LRMDA: variants seen among roughly 807,000 people sequenced by gnomAD.
LRMDA encodes leucine rich melanocyte differentiation associated, also known as leucine-rich melanocyte differentiation-associated protein.
A neutral mutation model predicts 29.8 loss-of-function variants in LRMDA; 18 were observed. The ratio of observed to expected loss-of-function variants is 0.60; its 90% CI spans 0.42 to 0.90. The LOEUF is 0.90. Ranked by LOEUF, LRMDA falls within the 40% of genes least tolerant of loss-of-function variation. The pLI is 0.00. For synonymous variants in LRMDA, 125 were observed against 109.4 expected (o/e 1.14, Z -0.89); for missense variants, 273 against 273.9 (o/e 1.00, Z 0.02).
At chr10:76,223,144 T>A (rs1206086480) in intron 5 of LRMDA, among the ~76,000 whole-genome samples, 1 of 151,784 alleles carries the variant, frequency 6.6e-6, no homozygotes, top group Non-Finnish European at 1.5e-5. Flanking sequence ...GAGGGATAGC[T>A]TTAGGAGATA....
chr10:76,192,194 A>G (rs1472933373), intron 5 of LRMDA, among the ~76,000 whole-genome samples: 1 of 152,172 alleles, frequency 6.6e-6, no homozygotes, highest in Non-Finnish European at 1.5e-5. Flanking sequence ...CTCTTTTAGA[A>G]TATTCTAGAG....
intron 2 of LRMDA, among the ~76,000 whole-genome samples, chr10:75,652,038 C>T (rs766898132): frequency 1.3e-5 from 2 of 152,208 alleles, no homozygotes; most frequent in Non-Finnish European, 2.9e-5. Context: ...CATTGCTTCA[C>T]CATTTGGCTT....
At chr10:76,476,627 T>G (rs550131971) in intron 6 of LRMDA, among the ~76,000 whole-genome samples, 6 of 152,236 alleles carry the variant, frequency 3.9e-5, no homozygotes, top group East Asian at 1.9e-4. Flanking sequence ...ATATCCCTGA[T>G]AAGCATCGAT....
At chr10:76,037,494 T>C (rs1848270119) in intron 3 of LRMDA, among the ~76,000 whole-genome samples, 1 of 152,244 alleles carries the variant, frequency 6.6e-6, no homozygotes, top group South Asian at 2.1e-4. Context: ...TAAGTTAATG[T>C]TTTCTTTATT....
chr10:76,254,300 T>TACCATACCATACCATACC (rs1852541192), intron 5 of LRMDA, among the ~76,000 whole-genome samples: 1 of 90,540 alleles, frequency 1.1e-5, no homozygotes, highest in South Asian at 4.2e-4. Context: ...TATACTATAC[T>TACCATACCATACCATACC]ATACCATACC....
chr10:76,492,139 T>C (rs1842839591), intron 6 of LRMDA, among the ~76,000 whole-genome samples: 1 of 152,126 alleles, frequency 6.6e-6, no homozygotes, highest in African/African-American at 2.4e-5. Context: ...GAAACAGCTA[T>C]TTTGAATTCT....
At position 75,473,819 on chromosome 10, in the gene LRMDA, C is replaced by T. The variant is rs376901600; in HGVS notation, c.131+35325C>T. 8.5e-5 allele frequency among the ~76,000 whole-genome samples: 13 copies of T among 152,324 alleles called. No individual in the cohort carries two copies. In the East Asian group the frequency reaches 1.3e-3, roughly 16 times the overall value. ...GTCATCATGATCATGGTCATCATCT[C>T]ACCAGGGACCAAGGTGACTTTGCCC... is the stretch of plus-strand genomic sequence containing the variant. On this transcript the variant is annotated intron_variant, in intron 2 of 6. Coordinates refer to ENST00000611255, the MANE Select transcript of LRMDA (RefSeq NM_001305581.2).
At chr10:76,044,643 C>T (rs939897324) in intron 3 of LRMDA, among the ~76,000 whole-genome samples, 4 of 152,190 alleles carry the variant, frequency 2.6e-5, no homozygotes, top group East Asian at 3.9e-4. Context: ...TGGCCACCCA[C>T]CCCTCTGTAC....
At chr10:75,897,316 A>G (rs1845600066) in intron 2 of LRMDA, among the ~76,000 whole-genome samples, 1 of 152,214 alleles carries the variant, frequency 6.6e-6, no homozygotes, top group Non-Finnish European at 1.5e-5. Context: ...TTAGGCCCTT[A>G]ACATTACAGG....
At chr10:75,597,345 T>C (rs7911525) in intron 2 of LRMDA, among the ~76,000 whole-genome samples, 114,539 of 152,046 alleles carry the variant, frequency 0.75, 43,280 homozygotes, top group East Asian at 0.85. Context: ...TTTGGAGAAA[T>C]CTTGAGGGTA....
At chr10:75,459,228 G>A (rs947387393) in intron 2 of LRMDA, among the ~76,000 whole-genome samples, 4 of 152,146 alleles carry the variant, frequency 2.6e-5, no homozygotes, top group Non-Finnish European at 5.9e-5. Flanking sequence ...GAGGCCAAGA[G>A]TTTGAGACCT....
intron 5 of LRMDA, among the ~76,000 whole-genome samples, chr10:76,315,742 C>T (rs558295053): frequency 1.3e-5 from 2 of 152,264 alleles, no homozygotes; most frequent in South Asian, 4.1e-4. Flanking sequence ...TGAAACCCCA[C>T]CTTCAAGCCA....
intron 5 of LRMDA, among the ~76,000 whole-genome samples, chr10:76,177,535 T>C (rs1052223700): frequency 3.3e-5 from 5 of 152,364 alleles, no homozygotes; most frequent in Non-Finnish European, 5.9e-5. Context: ...CTTTCAGGGT[T>C]CTTGCTTTAA....
intron 2 of LRMDA, among the ~76,000 whole-genome samples, chr10:75,767,825 C>T (rs1843188880): frequency 6.6e-6 from 1 of 152,104 alleles, no homozygotes; most frequent in Admixed American, 6.5e-5. Flanking sequence ...CGATCTTGGG[C>T]TGGAAAGATT....
intron 2 of LRMDA, among the ~76,000 whole-genome samples, chr10:75,777,469 T>A (rs1200479780): frequency 6.6e-6 from 1 of 152,226 alleles, no homozygotes; most frequent in African/African-American, 2.4e-5. Context: ...GACAGAGCTG[T>A]CCCATGGCAT....
In LRMDA at chr10:75,913,289, T is replaced by G. The variant is rs917881785; in HGVS notation, c.132-122719T>G. Among the ~76,000 whole-genome samples the G allele has an allele frequency of 2.6e-5, 4 of 152,118 alleles. No homozygotes were observed. In the East Asian group the frequency reaches 7.7e-4, roughly 29 times the overall value. ...CTGGCCAATATGGTGAAACCCCGTCTCTACTAAAAAGACAAAAATTAGTCA... is the reference window on the plus strand; with the variant it reads ...CTGGCCAATATGGTGAAACCCCGTCGCTACTAAAAAGACAAAAATTAGTCA... On this transcript the variant is annotated intron_variant, in intron 2 of 6. Coordinates refer to ENST00000611255, the MANE Select transcript of LRMDA (RefSeq NM_001305581.2).
At chr10:75,882,385 T>G (rs1448147481) in intron 2 of LRMDA, among the ~76,000 whole-genome samples, 3 of 152,222 alleles carry the variant, frequency 2.0e-5, no homozygotes, top group Admixed American at 6.5e-5. Context: ...GCTGAGGATT[T>G]CAAACTGAAT....
At chr10:75,463,809 A>C (rs888982583) in intron 2 of LRMDA, among the ~76,000 whole-genome samples, 1 of 152,130 alleles carries the variant, frequency 6.6e-6, no homozygotes, top group Admixed American at 6.5e-5. Context: ...CTAGGATTAC[A>C]GGCATGTGCT....
intron 2 of LRMDA, chr10:75,782,832 T>C (rs1045262666): frequency 1.2e-5 from 18 of 1,485,028 alleles, no homozygotes; most frequent in Middle Eastern, 1.8e-4. Context: ...AGCGCCGGCG[T>C]GCATGTGTTT....
Sources: allele counts gnomAD v4.1 joint callset (sites outside exome capture counted in the v4.1 genomes callset), GRCh38; gene constraint gnomAD v4.1.1; transcripts MANE v1.5; gene names NCBI Gene and HGNC (gene_info 2026-07-23, HGNC 2026-07-21).